LRSAM1: variants seen among roughly 807,000 people sequenced by gnomAD.
LRSAM1 encodes the protein E3 ubiquitin-protein ligase LRSAM1.
A neutral mutation model predicts 118.1 loss-of-function variants in LRSAM1; 96 were observed. The observed-to-expected ratio is 0.81, with a 90% CI of 0.69 to 0.96. The LOEUF (loss-of-function observed/expected upper bound fraction) is 0.96. Among genes scored for constraint, LRSAM1 ranks in the 40% least tolerant of loss-of-function variants. LRSAM1 has a pLI of 0.00. For synonymous variants in LRSAM1, 322 were observed against 364.2 expected (o/e 0.88, Z 1.32); for missense variants, 804 against 915.5 (o/e 0.88, Z 1.57).
chr9:127,490,342 G>A (rs925503890), intron 19 of LRSAM1, among the ~76,000 whole-genome samples: 2 of 151,282 alleles, frequency 1.3e-5, no homozygotes, highest in Non-Finnish European at 2.9e-5. Flanking sequence ...CGGACATGAA[G>A]CTCATTCCTC....
At chr9:127,460,481 A>G (rs1362381622) in intron 7 of LRSAM1, among the ~76,000 whole-genome samples, 2 of 152,214 alleles carry the variant, frequency 1.3e-5, no homozygotes, top group Non-Finnish European at 2.9e-5. Context: ...CCTTAAGGCC[A>G]GGGGAACTAG....
chr9:127,479,854 G>C lies in LRSAM1; in HGVS notation c.919G>C (p.Glu307Gln), dbSNP rs1355322281. The change falls in exon 14 of 26, where the codon GAG becomes CAG. Residue 307 changes from glutamate (E) to glutamine (Q), a missense_variant. Transcript: ENST00000300417. ...CCGGCTGCAGGAGCAGTCCCGGCTG[G>C]AGCAGGGCCTGAGTGAGCACCAGCG... Reference protein sequence around the residue: ...QTVKEEQSRLEQGLSEHQRHL... With the variant: ...QTVKEEQSRLQQGLSEHQRHL... 1 of 1,612,056 alleles carries C rather than the reference G, an allele frequency of 6.2e-7. No homozygotes were observed. The highest frequency in any genetic ancestry group is 1.1e-5 in the South Asian group (1 of 90,872).
intron 25 of LRSAM1, among the ~76,000 whole-genome samples, chr9:127,502,129 T>C (rs1285866311): frequency 6.6e-6 from 1 of 152,246 alleles, no homozygotes; most frequent in African/African-American, 2.4e-5. Flanking sequence ...CTGAACACCC[T>C]GCGTGCCCTC....
chr9:127,471,066 C>T (rs1835148312), intron 10 of LRSAM1: 1 of 152,022 alleles, frequency 6.6e-6, no homozygotes, highest in Non-Finnish European at 1.5e-5. Flanking sequence ...AGGGGGGTGG[C>T]TGCGATCATA....
chr9:127,480,093 T>C, intron 14 of LRSAM1, 115 bp downstream of exon 14: 2 of 1,428,842 alleles, frequency 1.4e-6, no homozygotes, highest in Non-Finnish European at 2.0e-6. Flanking sequence ...GGGCTTCCCT[T>C]GTCAGGATCC....
At chr9:127,458,852 G>GGAAT in intron 6 of LRSAM1, 151 bp from the exon 7 acceptor site, 2 of 716,036 alleles carry the variant, frequency 2.8e-6, no homozygotes, top group South Asian at 2.9e-5. Context: ...AAATGAGGCG[G>GGAAT]GAATGATCAA....
At chr9:127,455,780 A>G (rs1025157316) in intron 5 of LRSAM1, among the ~76,000 whole-genome samples, 160 bp downstream of exon 5, 12 of 152,164 alleles carry the variant, frequency 7.9e-5, no homozygotes, top group Non-Finnish European at 1.5e-5. Flanking sequence ...ATAGGAGAGT[A>G]GGCTTTGGGG....
chr9:127,491,418 G>A, intron 20 of LRSAM1, 123 bp downstream of exon 20: 1 of 761,824 alleles, frequency 1.3e-6, no homozygotes, highest in Non-Finnish European at 2.3e-6. Context: ...AGCAGACAGA[G>A]GGCAGAGCTC....
At chr9:127,483,788 G>A (rs953825998) in intron 16 of LRSAM1, among the ~76,000 whole-genome samples, 2 of 151,946 alleles carry the variant, frequency 1.3e-5, no homozygotes, top group East Asian at 1.9e-4. Flanking sequence ...CTCAGCCTCC[G>A]AGTAGCTAGG....
At chr9:127,455,437 G>A (rs1457994071) in intron 4 of LRSAM1, 139 bp from the exon 5 acceptor site, 2 of 864,412 alleles carry the variant, frequency 2.3e-6, no homozygotes, top group Admixed American at 3.7e-5. Flanking sequence ...CCTTGCCCCT[G>A]GGCTCAGCAC....
intron 7 of LRSAM1, among the ~76,000 whole-genome samples, chr9:127,460,436 C>T (rs1834692648): frequency 6.6e-6 from 1 of 152,256 alleles, no homozygotes. Flanking sequence ...GGCCTGAGGC[C>T]TTGGGTGGAT....
intron 19 of LRSAM1, among the ~76,000 whole-genome samples, chr9:127,490,582 G>A (rs1422459057): frequency 1.3e-5 from 2 of 152,154 alleles, no homozygotes; most frequent in Non-Finnish European, 2.9e-5. Flanking sequence ...CCCAGAGAAA[G>A]GGATCTCTCC....
Position 127,461,225 on chromosome 9 carries a change from A to C in LRSAM1, c.374A>C (p.Asn125Thr). The change falls in exon 8 of 26, where the codon AAC becomes ACC. Residue 125 changes from asparagine to threonine, a missense_variant. Transcript: ENST00000300417. ...ATGCAGCTCCCACGTTCCATTGGGA[A>C]CCTGACCCAGCTCCAGACTCTCAAT... ...QLMQLPRSIGNLTQLQTLNVK... is the reference protein window; with the variant it reads ...QLMQLPRSIGTLTQLQTLNVK... 1 of 1,612,292 alleles carries C rather than the reference A, an allele frequency of 6.2e-7. No homozygotes were observed. The highest frequency in any genetic ancestry group is 8.5e-7 in the Non-Finnish European group (1 of 1,178,674).
Position 127,503,369 on chromosome 9 carries a change from C to G in LRSAM1, c.*470C>G. 1 of 190,356 alleles carries G rather than the reference C, an allele frequency of 5.3e-6. No homozygotes were observed. The allele number at this position is 190,356 out of a possible 1,614,324, so 11.8% of individuals were successfully genotyped here. A position where few individuals can be genotyped will look rare whatever the true frequency, so the allele number is the denominator to read the frequency against. ...GTGCAGGCCTGTGCTCACAGTGGCA[C>G]CAGCAACCCTGGGTCTCCCTCTCTG... On this transcript the variant is annotated 3_prime_UTR_variant, in exon 26 of 26. Coordinates refer to ENST00000300417, the MANE Select transcript of LRSAM1 (RefSeq NM_001005373.4).
intron 3 of LRSAM1, 152 bp downstream of exon 3, chr9:127,454,751 G>GC (rs765806160): frequency 2.3e-5 from 21 of 930,616 alleles, no homozygotes; most frequent in Middle Eastern, 3.2e-4. Flanking sequence ...AACAGATGAG[G>GC]CCCCCTGCCA....
intron 9 of LRSAM1, among the ~76,000 whole-genome samples, chr9:127,466,235 G>A (rs1196487135): frequency 6.6e-6 from 1 of 151,694 alleles, no homozygotes; most frequent in African/African-American, 2.4e-5. Context: ...CTTGAACTGG[G>A]GAGGCAAAGG....
chr9:127,484,900 CG>C (rs1835674501), intron 16 of LRSAM1, among the ~76,000 whole-genome samples: 1 of 151,172 alleles, frequency 6.6e-6, no homozygotes. Context: ...CTCTGCCTCC[CG>C]GGTTCAAGCG....
intron 7 of LRSAM1, among the ~76,000 whole-genome samples, chr9:127,459,835 A>T (rs1413399107): frequency 6.6e-6 from 1 of 152,234 alleles, no homozygotes; most frequent in Non-Finnish European, 1.5e-5. Flanking sequence ...CTGGAATTAC[A>T]GGCATGAGCC....
rs1027924771 is a variant in LRSAM1, at chr9:127,485,654, G to A, written c.1160-82G>A. The A allele has an allele frequency of 4.5e-6, 6 of 1,320,450 alleles. No homozygotes were observed. In the African/African-American group the frequency reaches 7.2e-5, roughly 16 times the overall value. The allele number at this position is 1,320,450 out of a possible 1,614,324, so 81.8% of individuals were successfully genotyped here. A position where few individuals can be genotyped will look rare whatever the true frequency, so the allele number is the denominator to read the frequency against. ...CCTCAAGGCCTGTTCCTCAGTTCCT[G>A]TGGAAATCCCTGCTGCCTCCCTGCC... On this transcript the variant is annotated intron_variant, in intron 16 of 25. Coordinates refer to ENST00000300417, the MANE Select transcript of LRSAM1 (RefSeq NM_001005373.4).
Sources: gnomAD v4.1 joint callset for allele counts (sites outside exome capture counted in the v4.1 genomes callset) on GRCh38, gnomAD v4.1.1 for gene constraint, MANE v1.5 for transcripts, NCBI Gene and HGNC (gene_info 2026-07-23, HGNC 2026-07-21) for gene names.